The following CYP2R1 variants were observed in gnomAD, a reference collection of about 807,000 sequenced individuals.
CYP2R1 encodes the protein cytochrome P450 family 2 subfamily R member 1, also known as vitamin D 25-hydroxylase.
CYP2R1 carries 40 observed loss-of-function variants against 45.7 expected under a neutral mutation model. The ratio of observed to expected loss-of-function variants is 0.87; its 90% confidence interval spans 0.68 to 1.14. The LOEUF is 1.14. Among genes scored for constraint, CYP2R1 ranks in the 50% most tolerant of loss-of-function variants. The pLI is 0.00. For missense variants in CYP2R1, 605 were observed against 602.6 expected (o/e 1.00, Z -0.04); for synonymous variants, 234 against 219.3 (o/e 1.07, Z -0.59).
At chr11:14,892,379 C>T (rs951235054), upstream of CYP2R1, 3 of 652,026 alleles carry the variant, frequency 4.6e-6, no homozygotes, top group Admixed American at 2.8e-5. Context: ...TAGTTTTGCG[C>T]GGCTGAGAGT....
intron 2 of CYP2R1, among the ~76,000 whole-genome samples, chr11:14,885,298 A>G (rs1427697707): frequency 1.3e-5 from 2 of 152,172 alleles, no homozygotes; most frequent in African/African-American, 4.8e-5. Context: ...ACACTGATCA[A>G]TACTAAACCA....
chr11:14,892,338 G>A (rs1425751557), upstream of CYP2R1: 1 of 840,664 alleles, frequency 1.2e-6, no homozygotes, highest in Non-Finnish European at 1.9e-6. Flanking sequence ...GACTGAGTGA[G>A]CGCTCAGGCC....
At chr11:14,887,729 C>T (rs1162336468) in intron 1 of CYP2R1, 1 of 722,294 alleles carries the variant, frequency 1.4e-6, no homozygotes, top group African/African-American at 1.9e-5. Flanking sequence ...TCCATACATC[C>T]TTCAAGTGGT....
At chr11:14,889,810 G>A (rs1412580651) in intron 1 of CYP2R1, among the ~76,000 whole-genome samples, 1 of 152,042 alleles carries the variant, frequency 6.6e-6, no homozygotes, top group Non-Finnish European at 1.5e-5. Flanking sequence ...TTTGGAGGTC[G>A]AACAAATGTG....
rs1848207341 is a variant in CYP2R1 at position 14,877,593 on chromosome 11, G to A, written c.*529C>T. The A allele has an allele frequency of 6.6e-6, 1 of 152,356 alleles. No homozygotes were observed. The highest frequency in any genetic ancestry group is 1.5e-5 in the Non-Finnish European group (1 of 68,284). 9.4% of individuals were successfully genotyped at this position (152,356 alleles called of 1,614,324 possible). ...AAGCAAGATATGAAAGCACTGGCAG[G>A]CTCTACATTAAATACATATTTCTTC... On this transcript the variant is annotated 3_prime_UTR_variant, in exon 5 of 5. Transcript: ENST00000334636.
Position 14,892,108 on chromosome 11 carries a change from TGCTTCAGCAGCTGGCGGACCCCTA to T in CYP2R1, c.74_97del (p.Leu25_Lys32del), listed in dbSNP as rs1375275934. 6.2e-7 allele frequency: 1 copy of T among 1,611,758 alleles called. No individual in the cohort carries two copies. The highest frequency in any genetic ancestry group is 8.5e-7 in the Non-Finnish European group (1 of 1,179,744). On this transcript the variant is annotated inframe_deletion, in exon 1 of 5. Coordinates refer to ENST00000334636, the MANE Select transcript of CYP2R1 (RefSeq NM_024514.5). Reference sequence around the variant, plus strand: ...CGGGGGGAAGCCCATCGGCCGCCTCTGCTTCAGCAGCTGGCGGACCCCTAGCGCGAAGAGCAGCAGGAAGAGCGC... The same window carrying T: ...CGGGGGGAAGCCCATCGGCCGCCTCTGCGCGAAGAGCAGCAGGAAGAGCGC...
intron 1 of CYP2R1, chr11:14,886,886 T>C (rs1555014873): frequency 6.6e-6 from 1 of 152,310 alleles, no homozygotes; most frequent in East Asian, 1.9e-4. Flanking sequence ...GCAAAGGTCA[T>C]GAGGACTGCC....
intron 4 of CYP2R1, among the ~76,000 whole-genome samples, chr11:14,878,876 TAGA>T (rs1362782542): frequency 6.6e-6 from 1 of 152,082 alleles, no homozygotes; most frequent in African/African-American, 2.4e-5. Flanking sequence ...AAAACAGATT[TAGA>T]AGAAGCCAGG....
intron 4 of CYP2R1, 70 bp from the exon 5 acceptor site, chr11:14,878,367 T>A (rs1848238351): frequency 7.1e-7 from 1 of 1,406,664 alleles, no homozygotes; most frequent in African/African-American, 1.4e-5. Flanking sequence ...GTCTAATATT[T>A]GGATGTCATT....
chr11:14,887,972 G>T (rs145737652), intron 1 of CYP2R1, among the ~76,000 whole-genome samples: 1 of 152,132 alleles, frequency 6.6e-6, no homozygotes, highest in Non-Finnish European at 1.5e-5. Context: ...AATTCTCAAC[G>T]TGGCATTCTC....
chr11:14,891,859 C>G, intron 1 of CYP2R1, 122 bp downstream of exon 1: 1 of 1,407,148 alleles, frequency 7.1e-7, no homozygotes, highest in Non-Finnish European at 9.4e-7. Flanking sequence ...CAAAGGGCAG[C>G]CGGCACACGG....
Position 14,879,990 on chromosome 11 carries a change from CTT to C in CYP2R1, c.1000+144_1000+145del, listed in dbSNP as rs1848313313. On this transcript the variant is annotated intron_variant, in intron 3 of 4. Coordinates refer to ENST00000334636, the MANE Select transcript of CYP2R1 (RefSeq NM_024514.5). ...AATTGAGATAATAGATTTGAAAACT[CTT>C]TTTTGTAACTATTAAATATTTCTAT... 48 of 797,416 alleles carry C rather than the reference CTT, an allele frequency of 6.0e-5. 3 individuals carry two copies. In the South Asian group the frequency reaches 1.1e-3, roughly 18 times the overall value. 49.4% of individuals were successfully genotyped at this position (797,416 alleles called of 1,614,324 possible). A position where few individuals can be genotyped will look rare whatever the true frequency, so the allele number is the denominator to read the frequency against.
At position 14,880,290 on chromosome 11, in the gene CYP2R1, A is replaced by C; in HGVS notation, c.846T>G (p.Asp282Glu). 6.2e-7 allele frequency: 1 copy of C among 1,613,272 alleles called. No individual in the cohort carries two copies. Among genetic ancestry groups the C allele is most frequent in the Non-Finnish European group, 8.5e-7 (1 of 1,179,520 alleles). ...LPQHFVDAYL[D>E]EMDQGKNDPS... ...GGTCATTTTTACCTTGATCCATCTC[A>C]TCTAAATAAGCATCAACAAAATGCT... The change falls in exon 3 of 5, where the codon GAT (aspartate) becomes GAG (glutamate). Residue 282 changes from aspartate to glutamate, a missense_variant. By Grantham distance (45) the Asp-to-Glu change is conservative (BLOSUM62 2). Transcript: ENST00000334636.
chr11:14,891,906 G>C (rs1848872477), intron 1 of CYP2R1, 75 bp downstream of exon 1: 1 of 1,540,582 alleles, frequency 6.5e-7, no homozygotes, highest in Non-Finnish European at 8.8e-7. Flanking sequence ...GCGGCCATAA[G>C]TCCAACCAGG....
chr11:14,888,435 T>C (rs1848701969), intron 1 of CYP2R1, among the ~76,000 whole-genome samples: 1 of 152,244 alleles, frequency 6.6e-6, no homozygotes, highest in African/African-American at 2.4e-5. Context: ...CAAAGTGCTG[T>C]TGATGAAAAC....
intron 4 of CYP2R1, 75 bp downstream of exon 4, chr11:14,879,039 C>T (rs2134013588): frequency 8.4e-7 from 1 of 1,185,766 alleles, no homozygotes; most frequent in Non-Finnish European, 1.3e-6. Flanking sequence ...AAGGATGCTT[C>T]AGATTAAGAT....
chr11:14,890,849 C>G (rs557892101), intron 1 of CYP2R1: 19 of 985,212 alleles, frequency 1.9e-5, no homozygotes, highest in Non-Finnish European at 2.3e-5. Context: ...CGCCCGGGCA[C>G]CTAGACCAAT....
intron 2 of CYP2R1, among the ~76,000 whole-genome samples, chr11:14,880,986 T>C (rs568548983): frequency 6.6e-5 from 10 of 152,214 alleles, no homozygotes; most frequent in African/African-American, 1.9e-4. Context: ...AGAAAAGGCC[T>C]ATAATTGCAC....
rs782025990 is a variant in CYP2R1, at chr11:14,885,889, G to A, written c.254C>T (p.Ser85Leu). The stretch of plus-strand genomic sequence containing the variant: ...ATCATAGCCATTTAGAACCACAGTT[G>A]ATATGCCTCCAAGATCTAAACTGAA... ...EIFSLDLGGISTVVLNGYDVV... is the reference protein window; with the variant it reads ...EIFSLDLGGILTVVLNGYDVV... Residue 85 changes from serine (S) to leucine (L), a missense_variant, in exon 2 of 5, where the codon TCA (serine) becomes TTA (leucine). Physicochemically the swap from Ser to Leu is moderately radical, Grantham distance 145. Transcript: ENST00000334636. 5.0e-6 allele frequency: 8 copies of A among 1,613,500 alleles called. No homozygotes were observed. Among genetic ancestry groups the A allele is most frequent in the Non-Finnish European group, 6.8e-6 (8 of 1,179,648 alleles).
Sources: gnomAD v4.1 joint callset for allele counts (sites outside exome capture counted in the v4.1 genomes callset) on GRCh38, gnomAD v4.1.1 for gene constraint, MANE v1.5 for transcripts, NCBI Gene and HGNC (gene_info 2026-07-23, HGNC 2026-07-21) for gene names.